ARID1B: variants seen among roughly 807,000 people sequenced by gnomAD.
ARID1B encodes the protein AT-rich interactive domain-containing protein 1B.
A neutral mutation model predicts 212.3 loss-of-function variants in ARID1B; 30 were observed. That is an observed-to-expected ratio of 0.14 (90% CI 0.11 to 0.19). The LOEUF (loss-of-function observed/expected upper bound fraction) is 0.19, where lower values mean the gene tolerates loss of function less well. Among genes scored for constraint, ARID1B ranks in the 10% least tolerant of loss-of-function variants. The pLI, the probability that ARID1B is intolerant of heterozygous loss-of-function variation, is 1.00. For synonymous variants in ARID1B, 1,402 were observed against 1,301.7 expected, an observed-to-expected ratio of 1.08 and a Z score of -1.66; for missense variants, 2,891 against 3,204.0, an observed-to-expected ratio of 0.90 and a Z score of 2.36.
Position 156,893,045 on chromosome 6 carries a change from C to CTTTTTTTTTTTTTTTTTTTTT in ARID1B, c.1987-8316_1987-8315insTTTTTTTTTTTTTTTTTTTTT, listed in dbSNP as rs567719662. Among the ~76,000 whole-genome samples the CTTTTTTTTTTTTTTTTTTTTT allele has an allele frequency of 2.8e-3, 243 of 85,888 alleles. 14 individuals are homozygous for CTTTTTTTTTTTTTTTTTTTTT. The highest frequency in any genetic ancestry group is 0.01 in the African/African-American group (222 of 21,296). 56.3% of individuals were successfully genotyped at this position (85,888 alleles called of 152,430 possible). A position where few individuals can be genotyped will look rare whatever the true frequency, so the allele number is the denominator to read the frequency against. On this transcript the variant is annotated intron_variant, in intron 2 of 19. Transcript: ENST00000636930. ...AACTCTTTTTTTTTCTTTTTTCTTCCTTTTTTTTTTTTTTTGAGATGGAGT... is the reference window on the plus strand; with the variant it reads ...AACTCTTTTTTTTTCTTTTTTCTTCCTTTTTTTTTTTTTTTTTTTTTTTTTTTTTTTTTTTTGAGATGGAGT...
At chr6:156,800,093 G>A (rs1355100623) in intron 1 of ARID1B, among the ~76,000 whole-genome samples, 1 of 152,144 alleles carries the variant, frequency 6.6e-6, no homozygotes, top group Non-Finnish European at 1.5e-5. Flanking sequence ...CTTTTGATGA[G>A]AATGTGAAAG....
At chr6:156,873,906 C>A (rs1048895041) in intron 2 of ARID1B, among the ~76,000 whole-genome samples, 2 of 152,222 alleles carry the variant, frequency 1.3e-5, no homozygotes, top group East Asian at 1.9e-4. Flanking sequence ...AAGCATTTCT[C>A]AGATACCCAC....
At chr6:157,195,184 A>G (rs1365146771) in intron 15 of ARID1B, 1 of 152,226 alleles carries the variant, frequency 6.6e-6, no homozygotes, top group African/African-American at 2.4e-5. Flanking sequence ...TGGATCAGGA[A>G]TCTGGCACAG....
intron 7 of ARID1B, among the ~76,000 whole-genome samples, chr6:157,136,565 A>G (rs1353675427): frequency 6.6e-6 from 1 of 152,222 alleles, no homozygotes; most frequent in African/African-American, 2.4e-5. Context: ...GGAAACATAT[A>G]TATAAAAAAT....
chr6:156,779,734 C>A (rs961717130), intron 1 of ARID1B: 24 of 158,934 alleles, frequency 1.5e-4, no homozygotes, highest in Non-Finnish European at 2.5e-4. Flanking sequence ...ACCCGCGTCC[C>A]CCCCCTCCCC....
At chr6:156,823,332 G>A (rs995806007) in intron 1 of ARID1B, among the ~76,000 whole-genome samples, 1 of 152,140 alleles carries the variant, frequency 6.6e-6, no homozygotes, top group African/African-American at 2.4e-5. Flanking sequence ...TGCAAGGTGG[G>A]TTTTATTTCT....
chr6:156,792,899 A>G (rs970487442), intron 1 of ARID1B, among the ~76,000 whole-genome samples: 3 of 151,644 alleles, frequency 2.0e-5, no homozygotes, highest in African/African-American at 4.9e-5. Flanking sequence ...ACGATAGACT[A>G]TGGGGGAAGC....
Position 157,061,430 on chromosome 6 carries a change from T to A in ARID1B, c.2248-23232T>A, listed in dbSNP as rs148859827. On this transcript the variant is annotated intron_variant, in intron 4 of 19. Coordinates refer to ENST00000636930, the MANE Select transcript of ARID1B (RefSeq NM_001374828.1). ...CAAGGTATGGCAGGTGATGTCCCAT[T>A]TCATAGAGAATGGAACAGAAGAACC... 2.7e-3 allele frequency among the ~76,000 whole-genome samples: 408 copies of A among 152,326 alleles called. 2 individuals are homozygous for A. The highest frequency in any genetic ancestry group is 9.0e-3 in the African/African-American group (375 of 41,566).
chr6:157,098,233 G>A (rs541822464), intron 5 of ARID1B, among the ~76,000 whole-genome samples: 42 of 152,296 alleles, frequency 2.8e-4, no homozygotes, highest in South Asian at 1.5e-3. Context: ...ACATCAAAGC[G>A]AGGATTCGAG....
At chr6:157,089,539 G>A (rs1785150816) in intron 5 of ARID1B, among the ~76,000 whole-genome samples, 1 of 152,160 alleles carries the variant, frequency 6.6e-6, no homozygotes, top group African/African-American at 2.4e-5. Flanking sequence ...CCCTTTGTTT[G>A]CACATTCCTG....
Position 156,827,681 on chromosome 6 carries a change from C to A in ARID1B, c.1792-1546C>A, listed in dbSNP as rs538936622. ...CTTGACCCAGTGCCTTGTGCTGTTT[C>A]TTCTGCCCTGTGGTACTGTACATGC... is the stretch of plus-strand genomic sequence containing the variant. On this transcript the variant is annotated intron_variant, in intron 1 of 19. Coordinates refer to ENST00000636930, the MANE Select transcript of ARID1B (RefSeq NM_001374828.1). 2.7e-5 allele frequency among the ~76,000 whole-genome samples: 4 copies of A among 147,928 alleles called. No individual in the cohort carries two copies. The South Asian group carries it at 9.1e-4, about 34-fold the overall frequency.
chr6:157,072,382 A>G (rs1583256281), intron 4 of ARID1B: 1 of 152,196 alleles, frequency 6.6e-6, no homozygotes, highest in African/African-American at 2.4e-5. Context: ...ATCACCTCAA[A>G]TAACTACTGT....
chr6:157,007,228 A>G (rs1352435188), intron 4 of ARID1B, among the ~76,000 whole-genome samples: 12 of 152,246 alleles, frequency 7.9e-5, no homozygotes. Context: ...GATAATTGTT[A>G]CTAAAACTTT....
intron 4 of ARID1B, among the ~76,000 whole-genome samples, chr6:157,017,757 G>A (rs997581596): frequency 2.6e-4 from 40 of 152,220 alleles, no homozygotes; most frequent in African/African-American, 9.2e-4. Context: ...TAGCTTCTCA[G>A]AATCTGCTTT....
intron 4 of ARID1B, among the ~76,000 whole-genome samples, chr6:157,016,351 C>T (rs1779920692): frequency 6.6e-6 from 1 of 152,176 alleles, no homozygotes; most frequent in African/African-American, 2.4e-5. Context: ...TCCAGTGTGG[C>T]TGTTGAGCAC....
At chr6:156,953,349 A>C (rs888979234) in intron 4 of ARID1B, among the ~76,000 whole-genome samples, 2 of 152,234 alleles carry the variant, frequency 1.3e-5, no homozygotes, top group African/African-American at 2.4e-5. Flanking sequence ...TAGAAGTAGC[A>C]GTTATAGAGG....
intron 1 of ARID1B, among the ~76,000 whole-genome samples, chr6:156,786,946 CTTT>C (rs373597720): frequency 7.8e-6 from 1 of 128,894 alleles, no homozygotes. Context: ...ATTTGGCCTG[CTTT>C]TTTTTTTTTT....
At chr6:157,097,314 A>C (rs1220597018) in intron 5 of ARID1B, among the ~76,000 whole-genome samples, 1 of 152,202 alleles carries the variant, frequency 6.6e-6, no homozygotes, top group African/African-American at 2.4e-5. Context: ...TCAACTTTAT[A>C]CATTCTGTGT....
Position 156,778,164 on chromosome 6 carries a change from C to T in ARID1B, c.484C>T (p.Pro162Ser), listed in dbSNP as rs2114964155. Residue 162 changes from proline to serine, a missense_variant, in exon 1 of 20, where the codon CCG (proline) becomes TCG (serine). Pro to Ser is a moderately conservative substitution (Grantham distance 74). Transcript: ENST00000636930. Reference sequence around the variant, plus strand: ...AACCGTTGGCGAAGCCCCCGCCGCGCCGCCCCACCAGCAGCACCACCACCA... The same window carrying T: ...AACCGTTGGCGAAGCCCCCGCCGCGTCGCCCCACCAGCAGCACCACCACCA... ...LKTVGEAPAA[P>S]PHQQHHHHHH... is the part of the protein sequence containing the mutation. 6.5e-7 allele frequency: 1 copy of T among 1,542,248 alleles called. No homozygotes were observed. The highest frequency in any genetic ancestry group is 8.7e-7 in the Non-Finnish European group (1 of 1,146,688).
Sources: gnomAD v4.1 joint callset for allele counts (sites outside exome capture counted in the v4.1 genomes callset) on GRCh38, gnomAD v4.1.1 for gene constraint, MANE v1.5 for transcripts, NCBI Gene and HGNC (gene_info 2026-07-23, HGNC 2026-07-21) for gene names.